Variants in SERPINI1 observed in about 807,000 individuals in gnomAD.
SERPINI1 encodes the protein neuroserpin.
SERPINI1 carries 19 observed loss-of-function variants against 41.1 expected under a neutral mutation model. The ratio of observed to expected loss-of-function variants is 0.46; its 90% CI spans 0.32 to 0.68. SERPINI1 has a LOEUF of 0.68. Ranked by LOEUF, SERPINI1 falls within the 30% of genes least tolerant of loss-of-function variation. The pLI, the probability that SERPINI1 is intolerant of heterozygous loss-of-function variation, is 0.03. For synonymous variants in SERPINI1, 138 were observed against 156.6 expected (o/e 0.88, Z 0.89); for missense variants, 460 against 479.2 (o/e 0.96, Z 0.37).
intron 1 of SERPINI1, among the ~76,000 whole-genome samples, chr3:167,737,970 C>G (rs939707376): frequency 6.6e-6 from 1 of 151,810 alleles, no homozygotes; most frequent in Admixed American, 6.6e-5. Context: ...GAAAAAAGAC[C>G]ATGTTTTTAT....
intron 6 of SERPINI1, among the ~76,000 whole-genome samples, chr3:167,819,708 A>G (rs530252700): frequency 6.6e-6 from 1 of 152,334 alleles, no homozygotes; most frequent in Non-Finnish European, 1.5e-5. Context: ...CAAGATAATT[A>G]TGTGCTTTTC....
At chr3:167,790,045 A>C (rs539793000) in intron 2 of SERPINI1, among the ~76,000 whole-genome samples, 2 of 152,262 alleles carry the variant, frequency 1.3e-5, no homozygotes, top group Non-Finnish European at 2.9e-5. Context: ...ATTTTAAACT[A>C]GGTACTTTTT....
chr3:167,780,336 A>T (rs1337249393), intron 1 of SERPINI1, among the ~76,000 whole-genome samples: 1 of 151,964 alleles, frequency 6.6e-6, no homozygotes, highest in African/African-American at 2.4e-5. Flanking sequence ...CTCTCTACAC[A>T]CTCCAATTTA....
At chr3:167,744,528 C>G (rs1725781508) in intron 1 of SERPINI1, among the ~76,000 whole-genome samples, 1 of 147,654 alleles carries the variant, frequency 6.8e-6, no homozygotes, top group African/African-American at 2.5e-5. Flanking sequence ...AGATTAAGAG[C>G]CAAATGACCT....
intron 1 of SERPINI1, among the ~76,000 whole-genome samples, chr3:167,764,994 C>T (rs1726512902): frequency 1.3e-5 from 2 of 152,202 alleles, no homozygotes. Flanking sequence ...GCAGCTCCAC[C>T]CCTGTGACTT....
chr3:167,784,899 T>A (rs1727259235), intron 1 of SERPINI1, among the ~76,000 whole-genome samples: 1 of 152,188 alleles, frequency 6.6e-6, no homozygotes, highest in Admixed American at 6.5e-5. Flanking sequence ...TATAGATACC[T>A]AGGAAACATT....
chr3:167,738,088 T>C (rs1014683234), intron 1 of SERPINI1, among the ~76,000 whole-genome samples: 72 of 152,180 alleles, frequency 4.7e-4, no homozygotes, highest in African/African-American at 1.7e-3. Flanking sequence ...AGATTTTTCT[T>C]GATTGGTGTT....
intron 1 of SERPINI1, among the ~76,000 whole-genome samples, chr3:167,740,081 G>A (rs1160287852): frequency 1.3e-5 from 2 of 149,088 alleles, no homozygotes; most frequent in Middle Eastern, 3.2e-3. Flanking sequence ...CGCCCAGGCT[G>A]GAATGCAGTG....
At chr3:167,749,347 A>T (rs7612014) in intron 1 of SERPINI1, among the ~76,000 whole-genome samples, 11 of 151,878 alleles carry the variant, frequency 7.2e-5, no homozygotes, top group Non-Finnish European at 1.6e-4. Context: ...GAAGACATCT[A>T]TGCTTTTTAC....
chr3:167,793,109 T>A (rs1360556641), intron 4 of SERPINI1, among the ~76,000 whole-genome samples: 1 of 152,180 alleles, frequency 6.6e-6, no homozygotes, highest in African/African-American at 2.4e-5. Flanking sequence ...GAACCATATG[T>A]TCCACGAAGC....
chr3:167,791,010 G>A (rs1347650558), intron 3 of SERPINI1, among the ~76,000 whole-genome samples: 1 of 151,974 alleles, frequency 6.6e-6, no homozygotes, highest in Non-Finnish European at 1.5e-5. Context: ...AGGTTTGTTG[G>A]CTTTTGAACC....
intron 1 of SERPINI1, among the ~76,000 whole-genome samples, chr3:167,774,557 A>G (rs1726899842): frequency 6.6e-6 from 1 of 152,164 alleles, no homozygotes; most frequent in South Asian, 2.1e-4. Context: ...GTGACCTGTT[A>G]GGAACCAGGC....
chr3:167,772,417 T>C (rs1427950651), intron 1 of SERPINI1, among the ~76,000 whole-genome samples: 1 of 152,158 alleles, frequency 6.6e-6, no homozygotes, highest in Non-Finnish European at 1.5e-5. Flanking sequence ...TCCCAACCTA[T>C]TTGGGTAGCC....
chr3:167,764,719 G>A lies in SERPINI1; in HGVS notation c.-18-24392G>A, dbSNP rs193164992. ...AAGTCCACAATCCACAGTCTCATCT[G>A]AGACAAGGCAAGTCCCTTCTACCTA... On this transcript the variant is annotated intron_variant, in intron 1 of 8. Transcript: ENST00000446050. Among the ~76,000 whole-genome samples, 48 of 152,332 alleles carry A rather than the reference G, an allele frequency of 3.2e-4. 2 individuals are homozygous for A. Among genetic ancestry groups the A allele is most frequent in the Admixed American group, 2.7e-3 (41 of 15,300 alleles).
chr3:167,754,162 A>G (rs1351944464), intron 1 of SERPINI1, among the ~76,000 whole-genome samples: 2 of 152,186 alleles, frequency 1.3e-5, no homozygotes, highest in Non-Finnish European at 2.9e-5. Context: ...TCATTTTTAT[A>G]CTGGTTAATT....
chr3:167,812,331 T>G (rs1225500802), intron 6 of SERPINI1, among the ~76,000 whole-genome samples: 1 of 152,188 alleles, frequency 6.6e-6, no homozygotes, highest in African/African-American at 2.4e-5. Flanking sequence ...TTCACTCTGG[T>G]TGATTCCATA....
intron 1 of SERPINI1, among the ~76,000 whole-genome samples, chr3:167,747,419 C>T (rs962055571): frequency 1.3e-5 from 2 of 152,108 alleles, no homozygotes; most frequent in African/African-American, 4.8e-5. Context: ...CCGAGGCAGG[C>T]GGATCACGAG....
At chr3:167,799,805 A>G (rs536036252) in intron 5 of SERPINI1, among the ~76,000 whole-genome samples, 1 of 152,166 alleles carries the variant, frequency 6.6e-6, no homozygotes, top group East Asian at 1.9e-4. Flanking sequence ...AGTGCTGATG[A>G]GCTTTTTTTC....
At position 167,766,914 on chromosome 3, in the gene SERPINI1, G is replaced by A. The variant is rs955501791; in HGVS notation, c.-18-22197G>A. Among the ~76,000 whole-genome samples the A allele has an allele frequency of 1.1e-4, 17 of 152,220 alleles. 1 individual carries two copies. The highest frequency in any genetic ancestry group is 7.9e-4 in the Admixed American group (12 of 15,286). On this transcript the variant is annotated intron_variant, in intron 1 of 8. Transcript: ENST00000446050. ...GAAGCCATCTCCGTAACATAAAAGC[G>A]TATGGAGAAGCAGCAAGTGCTGATG...
Sources: gnomAD v4.1 joint callset for allele counts (sites outside exome capture counted in the v4.1 genomes callset) on GRCh38, gnomAD v4.1.1 for gene constraint, MANE v1.5 for transcripts, NCBI Gene and HGNC (gene_info 2026-07-23, HGNC 2026-07-21) for gene names.